The following PRKCE variants were observed in gnomAD, a reference collection of about 807,000 sequenced individuals.
PRKCE encodes protein kinase C epsilon type.
PRKCE carries 16 observed loss-of-function variants against 85.4 expected under a neutral mutation model. The ratio of observed to expected loss-of-function variants is 0.19; its 90% CI spans 0.13 to 0.28. The LOEUF (loss-of-function observed/expected upper bound fraction) is 0.28, where lower values mean the gene tolerates loss of function less well. PRKCE is among the 10% of genes least tolerant of loss of function. PRKCE has a pLI of 1.00. For missense variants in PRKCE, 573 were observed against 975.2 expected, an observed-to-expected ratio of 0.59 and a Z score of 5.49; for synonymous variants, 388 against 371.5, an observed-to-expected ratio of 1.04 and a Z score of -0.51.
intron 11 of PRKCE, among the ~76,000 whole-genome samples, chr2:46,095,573 G>A (rs907854843): frequency 2.0e-5 from 3 of 152,190 alleles, no homozygotes; most frequent in African/African-American, 4.8e-5. Flanking sequence ...AACTGTTACT[G>A]CATATTTCCT....
intron 3 of PRKCE, among the ~76,000 whole-genome samples, chr2:45,977,504 G>C (rs552372727): frequency 6.6e-6 from 1 of 152,010 alleles, no homozygotes; most frequent in East Asian, 1.9e-4. Flanking sequence ...GGCCATGGTG[G>C]TGTGCGCCTG....
At chr2:45,784,166 C>G (rs1181619731) in intron 1 of PRKCE, among the ~76,000 whole-genome samples, 1 of 152,262 alleles carries the variant, frequency 6.6e-6, no homozygotes, top group Non-Finnish European at 1.5e-5. Context: ...AGGCCAAGTG[C>G]AAATGTGCAG....
chr2:46,121,008 T>C (rs880679), intron 11 of PRKCE, among the ~76,000 whole-genome samples: 3,788 of 152,304 alleles, frequency 0.025, 150 homozygotes, highest in African/African-American at 0.086. Context: ...AAAACCTAAC[T>C]CAGTCAAAGC....
intron 2 of PRKCE, among the ~76,000 whole-genome samples, chr2:45,860,746 A>G (rs1363935699): frequency 1.3e-5 from 2 of 152,036 alleles, no homozygotes; most frequent in Non-Finnish European, 2.9e-5. Flanking sequence ...CTCTCTTCAG[A>G]GAGTTTTTGA....
chr2:46,098,517 G>A (rs1367878460), intron 11 of PRKCE, among the ~76,000 whole-genome samples: 1 of 152,210 alleles, frequency 6.6e-6, no homozygotes, highest in Non-Finnish European at 1.5e-5. Flanking sequence ...GGGGATGAAT[G>A]TATCCTGCTA....
At chr2:46,061,061 C>T (rs1340135460) in intron 10 of PRKCE, among the ~76,000 whole-genome samples, 1 of 150,690 alleles carries the variant, frequency 6.6e-6, no homozygotes, top group African/African-American at 2.5e-5. Flanking sequence ...TGCGTCCGGC[C>T]AGATTTTTTG....
chr2:45,808,385 G>A (rs930086972), intron 1 of PRKCE, among the ~76,000 whole-genome samples: 3 of 152,166 alleles, frequency 2.0e-5, no homozygotes, highest in Admixed American at 6.5e-5. Flanking sequence ...ATTTTTGATG[G>A]TACATCATGA....
At position 45,667,794 on chromosome 2, in the gene PRKCE, C is replaced by CA. The variant is rs893138186; in HGVS notation, c.348+15358dup. ...CTTGTTATTATATATGTTTTAACTT[C>CA]AAAAAAAAAAAAGTGAAAAAGGATG... is the stretch of plus-strand genomic sequence containing the variant. On this transcript the variant is annotated intron_variant, in intron 1 of 14. Coordinates refer to ENST00000306156, the MANE Select transcript of PRKCE (RefSeq NM_005400.3). Among the ~76,000 whole-genome samples the CA allele has an allele frequency of 4.2e-3, 584 of 140,562 alleles. 3 individuals are homozygous for CA. Among genetic ancestry groups the CA allele is most frequent in the African/African-American group, 0.013 (512 of 38,380 alleles). 92.2% of individuals were successfully genotyped at this position (140,562 alleles called of 152,430 possible). A position where few individuals can be genotyped will look rare whatever the true frequency, so the allele number is the denominator to read the frequency against.
intron 1 of PRKCE, among the ~76,000 whole-genome samples, chr2:45,699,268 G>T (rs536506793): frequency 6.6e-6 from 1 of 152,116 alleles, no homozygotes; most frequent in Admixed American, 6.5e-5. Flanking sequence ...ACGGACCTCT[G>T]CTGGGACACT....
intron 1 of PRKCE, among the ~76,000 whole-genome samples, chr2:45,744,097 C>T (rs1481016336): frequency 1.3e-5 from 2 of 150,674 alleles, no homozygotes; most frequent in East Asian, 3.9e-4. Context: ...AGCTGAGTAA[C>T]TTTGTCTTTC....
intron 2 of PRKCE, among the ~76,000 whole-genome samples, chr2:45,957,963 A>G (rs1701085194): frequency 6.7e-6 from 1 of 149,714 alleles, no homozygotes; most frequent in Admixed American, 6.6e-5. Context: ...TCATCCCTAA[A>G]CTTGTTAGAA....
chr2:45,830,602 A>G (rs1292867098), intron 1 of PRKCE, among the ~76,000 whole-genome samples: 1 of 152,252 alleles, frequency 6.6e-6, no homozygotes, highest in Non-Finnish European at 1.5e-5. Flanking sequence ...ATAGAAGAGT[A>G]TCTCCCACAA....
chr2:45,764,801 G>C lies in PRKCE; in HGVS notation c.349-78199G>C, dbSNP rs183687333. Reference sequence around the variant, plus strand: ...AATTGCCATTCATTCTGCTGCAAATGAATTAGACTATATATATATTTTAAA... The same window carrying C: ...AATTGCCATTCATTCTGCTGCAAATCAATTAGACTATATATATATTTTAAA... On this transcript the variant is annotated intron_variant, in intron 1 of 14. Coordinates refer to ENST00000306156, the MANE Select transcript of PRKCE (RefSeq NM_005400.3). Among the ~76,000 whole-genome samples the C allele has an allele frequency of 2.0e-5, 3 of 152,264 alleles. No individual in the cohort carries two copies. In the East Asian group the frequency reaches 5.8e-4, roughly 29 times the overall value.
intron 2 of PRKCE, among the ~76,000 whole-genome samples, chr2:45,914,155 A>G (rs1697581704): frequency 6.6e-6 from 1 of 152,276 alleles, no homozygotes; most frequent in South Asian, 2.1e-4. Flanking sequence ...GAAGCATACA[A>G]TATCATGCTA....
chr2:46,005,292 C>T lies in PRKCE; in HGVS notation c.1063+654C>T, dbSNP rs562489714. On this transcript the variant is annotated intron_variant, in intron 8 of 14. Transcript: ENST00000306156. ...GCACAATAATAATTCTGCAGCCATC[C>T]GAGAATGATGAGGCTGAGGAGGGAC... 1.2e-4 allele frequency among the ~76,000 whole-genome samples: 18 copies of T among 152,242 alleles called. No homozygotes were observed. In the South Asian group the frequency reaches 3.3e-3, roughly 28 times the overall value.
At chr2:45,729,427 G>A (rs1412155504) in intron 1 of PRKCE, among the ~76,000 whole-genome samples, 1 of 152,288 alleles carries the variant, frequency 6.6e-6, no homozygotes, top group African/African-American at 2.4e-5. Flanking sequence ...AGCCAGTGTA[G>A]ATGTGATATC....
intron 1 of PRKCE, among the ~76,000 whole-genome samples, chr2:45,655,842 T>C (rs1383989431): frequency 2.1e-5 from 2 of 94,454 alleles, no homozygotes; most frequent in Admixed American, 1.3e-4. Flanking sequence ...ATACCCTGTC[T>C]CTTGAAAAAA....
At chr2:45,728,964 CTG>C (rs989571455) in intron 1 of PRKCE, among the ~76,000 whole-genome samples, 1 of 152,120 alleles carries the variant, frequency 6.6e-6, no homozygotes, top group Admixed American at 6.5e-5. Flanking sequence ...CTGTGCTGCA[CTG>C]TGTTTGCCAA....
chr2:45,724,105 G>A (rs1680858857), intron 1 of PRKCE, among the ~76,000 whole-genome samples: 1 of 152,176 alleles, frequency 6.6e-6, no homozygotes, highest in Non-Finnish European at 1.5e-5. Flanking sequence ...CTTCGCAGAT[G>A]TTGTGCTTTT....
Sources: gnomAD v4.1 joint callset for allele counts (sites outside exome capture counted in the v4.1 genomes callset) on GRCh38, gnomAD v4.1.1 for gene constraint, MANE v1.5 for transcripts, NCBI Gene and HGNC (gene_info 2026-07-23, HGNC 2026-07-21) for gene names.